SMCO2: variants seen among roughly 807,000 people sequenced by gnomAD.
The protein encoded by SMCO2 is single-pass membrane protein with coiled-coil domains 2.
Under a neutral mutation model 29.5 loss-of-function variants are expected in SMCO2, and 25 were observed. The ratio of observed to expected loss-of-function variants is 0.85; its 90% CI spans 0.62 to 1.18. SMCO2 has a LOEUF of 1.18. Ranked by LOEUF, SMCO2 falls within the 50% of genes most tolerant of loss-of-function variation. SMCO2 has a pLI of 0.00. For missense variants in SMCO2, 348 were observed against 344.5 expected (o/e 1.01, Z -0.08); for synonymous variants, 117 against 123.3 (o/e 0.95, Z 0.34).
chr12:27,484,653 A>T (rs935083826), intron 4 of SMCO2, among the ~76,000 whole-genome samples: 4 of 151,686 alleles, frequency 2.6e-5, no homozygotes, highest in Admixed American at 2.6e-4. Flanking sequence ...CAAAATTTTT[A>T]AAAAATCTGG....
the SMCO2 span, among the ~76,000 whole-genome samples, chr12:27,434,009 A>G: frequency 6.6e-6 from 1 of 152,330 alleles, no homozygotes; most frequent in South Asian, 2.1e-4. Flanking sequence ...TGTGCAAAAC[A>G]TCTTAAAGCT....
At chr12:27,465,744 A>G (rs950245497), upstream of SMCO2, among the ~76,000 whole-genome samples, 28 of 152,322 alleles carry the variant, frequency 1.8e-4, 1 homozygote, top group Middle Eastern at 3.4e-3. Context: ...ATCTTAGTAA[A>G]CCAATTTTTC....
At chr12:27,444,959 GGATA>G in the SMCO2 span, among the ~76,000 whole-genome samples, 3 of 152,176 alleles carry the variant, frequency 2.0e-5, no homozygotes, top group East Asian at 3.9e-4. Flanking sequence ...ATGGATGAAT[GGATA>G]AAGAAAATGT....
chr12:27,473,595 G>A (rs1475016524), intron 3 of SMCO2, among the ~76,000 whole-genome samples: 1 of 152,096 alleles, frequency 6.6e-6, no homozygotes, highest in Non-Finnish European at 1.5e-5. Flanking sequence ...TATACTCTAT[G>A]ACCTTGGGCA....
chr12:27,468,066 C>T (rs1195029445), intron 1 of SMCO2, among the ~76,000 whole-genome samples: 2 of 152,174 alleles, frequency 1.3e-5, no homozygotes, highest in Admixed American at 1.3e-4. Flanking sequence ...CCTCACATCT[C>T]TAATAATATT....
chr12:27,462,767 C>G (rs1027928248), upstream of SMCO2, among the ~76,000 whole-genome samples: 1 of 152,190 alleles, frequency 6.6e-6, no homozygotes, highest in Non-Finnish European at 1.5e-5. Context: ...ATATTACAAA[C>G]CCCTCCAGGG....
At chr12:27,490,548 G>A (rs1472623295) in intron 5 of SMCO2, among the ~76,000 whole-genome samples, 1 of 152,118 alleles carries the variant, frequency 6.6e-6, no homozygotes, top group African/African-American at 2.4e-5. Flanking sequence ...CAAAAAAATG[G>A]CACAAGTTCT....
At chr12:27,474,991 G>C in intron 4 of SMCO2, 78 bp downstream of exon 4, 4 of 1,478,462 alleles carry the variant, frequency 2.7e-6, no homozygotes, top group Non-Finnish European at 2.7e-6. Context: ...ATAACTTAGG[G>C]AAAGTCTGGA....
At chr12:27,448,110 G>A in the SMCO2 span, among the ~76,000 whole-genome samples, 1 of 152,204 alleles carries the variant, frequency 6.6e-6, no homozygotes, top group East Asian at 1.9e-4. Flanking sequence ...TTAGAAACAA[G>A]TAGAGAAAGT....
the SMCO2 span, chr12:27,425,320 T>C: frequency 6.6e-6 from 1 of 152,030 alleles, no homozygotes; most frequent in Non-Finnish European, 1.5e-5. Context: ...TGTGGAAACA[T>C]AGATTAAGGA....
chr12:27,472,386 C>T (rs60845086), intron 2 of SMCO2, among the ~76,000 whole-genome samples: 2,208 of 152,204 alleles, frequency 0.015, 55 homozygotes, highest in African/African-American at 0.05. Context: ...ATCAAGAGGG[C>T]ACTGTAGACC....
upstream of SMCO2, among the ~76,000 whole-genome samples, chr12:27,464,997 C>G (rs1284056730): frequency 1.4e-5 from 2 of 143,858 alleles, no homozygotes; most frequent in Admixed American, 7.1e-5. Flanking sequence ...CCACTGCACT[C>G]CAGCCTGAGC....
the SMCO2 span, among the ~76,000 whole-genome samples, chr12:27,459,194 A>G: frequency 1.3e-5 from 2 of 150,058 alleles, no homozygotes; most frequent in African/African-American, 5.0e-5. Flanking sequence ...CTCAAAAAAA[A>G]AAAAAAAAAA....
the SMCO2 span, among the ~76,000 whole-genome samples, chr12:27,449,102 A>G: frequency 6.6e-6 from 1 of 152,192 alleles, no homozygotes; most frequent in Non-Finnish European, 1.5e-5. Context: ...TGACCTGATT[A>G]TATGCTCCTA....
the SMCO2 span, among the ~76,000 whole-genome samples, chr12:27,443,516 G>C: frequency 6.6e-6 from 1 of 152,174 alleles, no homozygotes; most frequent in African/African-American, 2.4e-5. Flanking sequence ...GTCCTGGCCA[G>C]AGTAATTTGG....
rs1949580263 is a variant in SMCO2 at position 27,475,701 on chromosome 12, A to T, written c.362+788A>T. The stretch of plus-strand genomic sequence containing the variant: ...GAGAAAATTGACAATATTATTAAAA[A>T]AATAAATGTAACAGAAAACACAGTG... On this transcript the variant is annotated intron_variant, in intron 4 of 7. Transcript: ENST00000298876. The T allele has an allele frequency of 3.9e-6, 6 of 1,549,342 alleles. No individual in the cohort carries two copies. The Admixed American group carries it at 5.9e-5, about 15-fold the overall frequency.
At position 27,488,545 on chromosome 12, in the gene SMCO2, G is replaced by A. The variant is rs1230030502; in HGVS notation, c.448G>A (p.Glu150Lys). ...TGACCTTGATCAAGGGACAAGCACT[G>A]AGGTAAGCTAGAGACTTGGGAAAGA... Residue 150 changes from glutamate (E) to lysine (K), a missense_variant and splice_region_variant, in exon 5 of 8, where the codon GAG becomes AAG. Coordinates refer to ENST00000298876, the Ensembl canonical transcript of SMCO2. 3 of 1,535,544 alleles carry A rather than the reference G, an allele frequency of 2.0e-6. No homozygotes were observed. The African/African-American group carries it at 4.2e-5, about 21-fold the overall frequency.
chr12:27,428,793 G>T, the SMCO2 span, among the ~76,000 whole-genome samples: 450 of 148,948 alleles, frequency 3.0e-3, 2 homozygotes, highest in South Asian at 5.8e-3. Flanking sequence ...TTTTACCTTG[G>T]GGGTAAATAC....
chr12:27,434,638 T>A, the SMCO2 span, among the ~76,000 whole-genome samples: 1 of 152,192 alleles, frequency 6.6e-6, no homozygotes. Context: ...TTTAGACAAT[T>A]AGTTTATTTA....
Sources: gnomAD v4.1 joint callset for allele counts (sites outside exome capture counted in the v4.1 genomes callset) on GRCh38, gnomAD v4.1.1 for gene constraint, MANE v1.5 for transcripts, NCBI Gene and HGNC (gene_info 2026-07-23, HGNC 2026-07-21) for gene names.